CATSPERT: variants seen among roughly 807,000 people sequenced by gnomAD.
CATSPERT encodes catsper channel auxiliary subunit tau.
chr2:201,491,573 A>AT, the CATSPERT span: 3 of 1,536,718 alleles, frequency 2.0e-6, no homozygotes, highest in Non-Finnish European at 2.6e-6. Flanking sequence ...TCTAATTTTG[A>AT]TTTTTCCCCA....
At chr2:201,502,117 T>C in the CATSPERT span, among the ~76,000 whole-genome samples, 1 of 152,234 alleles carries the variant, frequency 6.6e-6, no homozygotes, top group Non-Finnish European at 1.5e-5. Flanking sequence ...CTTCTGCTGC[T>C]CAAGACCAAC....
the CATSPERT span, among the ~76,000 whole-genome samples, chr2:201,509,327 G>A: frequency 6.6e-6 from 1 of 150,814 alleles, no homozygotes; most frequent in Non-Finnish European, 1.5e-5. Flanking sequence ...TAACTGTGTT[G>A]TTTTTTGTTG....
the CATSPERT span, among the ~76,000 whole-genome samples, chr2:201,513,935 T>C: frequency 6.6e-6 from 1 of 152,172 alleles, no homozygotes; most frequent in East Asian, 1.9e-4. Context: ...ACTAAAGACA[T>C]TTCTGAGTAA....
the CATSPERT span, among the ~76,000 whole-genome samples, chr2:201,526,218 A>G: frequency 6.6e-6 from 1 of 152,148 alleles, no homozygotes; most frequent in Admixed American, 6.5e-5. Flanking sequence ...AAAATCCTCA[A>G]TAAAATACTA....
the CATSPERT span, among the ~76,000 whole-genome samples, chr2:201,570,374 C>T: frequency 1.2e-4 from 18 of 151,910 alleles, no homozygotes; most frequent in African/African-American, 4.4e-4. Context: ...CCTGAGAACC[C>T]AAAGGAGTAA....
the CATSPERT span, among the ~76,000 whole-genome samples, chr2:201,617,858 A>G: frequency 1.3e-5 from 2 of 152,252 alleles, no homozygotes; most frequent in East Asian, 3.8e-4. Context: ...AAACAAATTT[A>G]CAAGAAAAAA....
chr2:201,515,202 G>GTTTTTTT, the CATSPERT span, among the ~76,000 whole-genome samples: 115 of 24,670 alleles, frequency 4.7e-3, 35 homozygotes, highest in East Asian at 0.028. Context: ...TCTGCCCATA[G>GTTTTTTT]TTTTTTTTTT....
At chr2:201,601,543 G>A in the CATSPERT span, among the ~76,000 whole-genome samples, 5 of 151,976 alleles carry the variant, frequency 3.3e-5, no homozygotes, top group Non-Finnish European at 5.9e-5. Flanking sequence ...TATGCATTTC[G>A]CAGTAAAATT....
chr2:201,612,546 C>T, the CATSPERT span, among the ~76,000 whole-genome samples: 5 of 148,800 alleles, frequency 3.4e-5, no homozygotes, highest in East Asian at 2.0e-4. Context: ...TGCACTCTAG[C>T]CTGGGGGAGG....
the CATSPERT span, among the ~76,000 whole-genome samples, chr2:201,541,870 A>G: frequency 6.6e-6 from 1 of 151,910 alleles, no homozygotes; most frequent in Non-Finnish European, 1.5e-5. Flanking sequence ...TGCTGAGATT[A>G]CAAGCTTGAG....
chr2:201,558,715 A>C, the CATSPERT span, among the ~76,000 whole-genome samples: 9 of 152,138 alleles, frequency 5.9e-5, no homozygotes, highest in African/African-American at 1.9e-4. Context: ...TTAGGAACGC[A>C]AGGTATGCTC....
the CATSPERT span, among the ~76,000 whole-genome samples, chr2:201,514,722 C>T: frequency 2.0e-5 from 3 of 152,134 alleles, no homozygotes; most frequent in Non-Finnish European, 4.4e-5. Context: ...CAGAATTCTG[C>T]CCACTAAGTG....
the CATSPERT span, among the ~76,000 whole-genome samples, chr2:201,576,505 C>T: frequency 2.0e-5 from 3 of 152,246 alleles, no homozygotes; most frequent in Non-Finnish European, 2.9e-5. Flanking sequence ...CTTTTGTCTT[C>T]TTTGCTCCCC....
At chr2:201,596,094 T>C in the CATSPERT span, among the ~76,000 whole-genome samples, 2 of 152,166 alleles carry the variant, frequency 1.3e-5, no homozygotes, top group Non-Finnish European at 2.9e-5. Context: ...CAAAAGAATA[T>C]GAATTGTTCT....
the CATSPERT span, among the ~76,000 whole-genome samples, chr2:201,538,735 G>A: frequency 6.6e-6 from 1 of 151,978 alleles, no homozygotes; most frequent in Admixed American, 6.6e-5. Flanking sequence ...GTGTGTCATG[G>A]GGGTTTGTTG....
At chr2:201,530,961 G>GTTTTTTGT in the CATSPERT span, among the ~76,000 whole-genome samples, 3 of 106,042 alleles carry the variant, frequency 2.8e-5, no homozygotes, top group Non-Finnish European at 3.7e-5. Flanking sequence ...TTTTTTGTGG[G>GTTTTTTGT]TTTTTTTTTT....
At chr2:201,510,846 G>T in the CATSPERT span, among the ~76,000 whole-genome samples, 418 of 152,256 alleles carry the variant, frequency 2.7e-3, no homozygotes, top group African/African-American at 9.3e-3. Flanking sequence ...AAAAGGAAAA[G>T]GTGTTGAATT....
At chr2:201,614,382 A>G in the CATSPERT span, among the ~76,000 whole-genome samples, 1 of 152,254 alleles carries the variant, frequency 6.6e-6, no homozygotes, top group Non-Finnish European at 1.5e-5. Context: ...TCTACAAGCC[A>G]GAAGAGAGTG....
chr2:201,517,597 T>C, the CATSPERT span, among the ~76,000 whole-genome samples: 1 of 152,204 alleles, frequency 6.6e-6, no homozygotes. Context: ...CTATATTATT[T>C]ATAGTAAAGC....
Sources: gnomAD v4.1 joint callset for allele counts (sites outside exome capture counted in the v4.1 genomes callset) on GRCh38, gnomAD v4.1.1 for gene constraint, MANE v1.5 for transcripts, NCBI Gene and HGNC (gene_info 2026-07-23, HGNC 2026-07-21) for gene names.